Variants in CPQ observed in about 807,000 individuals in gnomAD.
CPQ encodes Ser-Met dipeptidase.
In CPQ, 37 loss-of-function variants were observed where a neutral mutation model predicts 45.7. That is an observed-to-expected ratio of 0.81 (90% CI 0.62 to 1.07). The LOEUF is 1.07. CPQ is among the 50% of genes least tolerant of loss of function. CPQ has a pLI of 0.00. For missense variants in CPQ, 537 were observed against 572.9 expected (o/e 0.94, Z 0.64); for synonymous variants, 186 against 205.8 (o/e 0.90, Z 0.82).
rs1172090255 is a variant in CPQ, at chr8:97,022,993, ATACAG to A, written c.962-6407_962-6403del. ...TATATATACTGTATATAGTATATATATACAGTATATATATACTATATATAGTATAT... is the reference window on the plus strand; with the variant it reads ...TATATATACTGTATATAGTATATATATATATATATACTATATATAGTATAT... On this transcript the variant is annotated intron_variant, in intron 5 of 7. Coordinates refer to ENST00000220763, the MANE Select transcript of CPQ (RefSeq NM_016134.4). Among the ~76,000 whole-genome samples the A allele has an allele frequency of 4.1e-5, 6 of 147,170 alleles. No homozygotes were observed. The East Asian group carries it at 9.8e-4, about 24-fold the overall frequency.
chr8:97,068,047 G>C (rs1391424152), intron 7 of CPQ, among the ~76,000 whole-genome samples: 1 of 152,168 alleles, frequency 6.6e-6, no homozygotes, highest in Non-Finnish European at 1.5e-5. Flanking sequence ...GGTTCAAGGT[G>C]AGGTAAGGAG....
chr8:96,779,255 A>G (rs1009930892), intron 1 of CPQ, among the ~76,000 whole-genome samples: 11 of 149,280 alleles, frequency 7.4e-5, no homozygotes, highest in African/African-American at 2.8e-4. Flanking sequence ...GACTGTCTTC[A>G]GATGTTATGT....
At chr8:97,007,429 G>T (rs1809402381) in intron 5 of CPQ, among the ~76,000 whole-genome samples, 1 of 152,090 alleles carries the variant, frequency 6.6e-6, no homozygotes, top group Non-Finnish European at 1.5e-5. Context: ...CTTCCCTCCT[G>T]ACTCATATTT....
At position 96,801,782 on chromosome 8, in the gene CPQ, ACCTCCTCTCTG is replaced by A. The variant is rs376175447; in HGVS notation, c.433+16467_433+16477del. Reference sequence around the variant, plus strand: ...AATAAACACCCCATTCCATCTTAACACCTCCTCTCTGCCTCCTCTCTGCCTTCTCTTTAGCA... The same window carrying A: ...AATAAACACCCCATTCCATCTTAACACCTCCTCTCTGCCTTCTCTTTAGCA... On this transcript the variant is annotated intron_variant, in intron 2 of 7. Transcript: ENST00000220763. Among the ~76,000 whole-genome samples the A allele has an allele frequency of 4.7e-4, 71 of 151,698 alleles. 1 individual carries two copies. Among genetic ancestry groups the A allele is most frequent in the African/African-American group, 1.7e-3 (71 of 41,310 alleles).
intron 6 of CPQ, chr8:97,055,749 C>CTTGA (rs1810444769): frequency 6.6e-6 from 1 of 152,176 alleles, no homozygotes; most frequent in African/African-American, 2.4e-5. Flanking sequence ...CTACCAGCAC[C>CTTGA]TTGATTTTAG....
intron 2 of CPQ, among the ~76,000 whole-genome samples, chr8:96,798,630 A>G (rs1021915267): frequency 6.6e-6 from 1 of 151,974 alleles, no homozygotes; most frequent in African/African-American, 2.4e-5. Context: ...ACCTCTGTCT[A>G]ACCTAACCCT....
chr8:96,660,605 G>T (rs1815688847), intron 1 of CPQ, among the ~76,000 whole-genome samples: 1 of 151,512 alleles, frequency 6.6e-6, no homozygotes, highest in Non-Finnish European at 1.5e-5. Context: ...TTCTGAATCA[G>T]TAGGTCTGAA....
intron 1 of CPQ, among the ~76,000 whole-genome samples, chr8:96,760,063 T>C (rs1810379421): frequency 6.6e-6 from 1 of 152,186 alleles, no homozygotes; most frequent in Admixed American, 6.5e-5. Context: ...CCTAGCCACG[T>C]GGGTCCCTCA....
intron 5 of CPQ, among the ~76,000 whole-genome samples, chr8:97,006,760 G>A (rs944694341): frequency 6.6e-6 from 1 of 152,190 alleles, no homozygotes; most frequent in Admixed American, 6.5e-5. Flanking sequence ...GGACCCAGGT[G>A]CACCAGGAAC....
At chr8:96,683,979 T>G (rs985027620) in intron 1 of CPQ, among the ~76,000 whole-genome samples, 3 of 152,200 alleles carry the variant, frequency 2.0e-5, no homozygotes, top group African/African-American at 7.2e-5. Context: ...TGTGTTTTCT[T>G]GTATCTCACT....
chr8:96,891,074 G>C (rs1221428373), intron 4 of CPQ, among the ~76,000 whole-genome samples: 1 of 152,168 alleles, frequency 6.6e-6, no homozygotes, highest in East Asian at 1.9e-4. Context: ...GCTGCTTCAG[G>C]ATGATGGGTA....
chr8:96,678,647 A>G (rs993580441), intron 1 of CPQ, among the ~76,000 whole-genome samples: 2 of 151,650 alleles, frequency 1.3e-5, no homozygotes, highest in African/African-American at 4.8e-5. Context: ...CATTTCCTTC[A>G]TGATTAGTGA....
intron 7 of CPQ, among the ~76,000 whole-genome samples, chr8:97,102,921 G>A (rs1013938464): frequency 6.6e-6 from 1 of 152,188 alleles, no homozygotes; most frequent in Non-Finnish European, 1.5e-5. Flanking sequence ...CTGGGCTAAA[G>A]TTAGGGTGTT....
intron 3 of CPQ, among the ~76,000 whole-genome samples, chr8:96,837,003 A>T (rs1811539580): frequency 6.6e-6 from 1 of 152,158 alleles, no homozygotes; most frequent in African/African-American, 2.4e-5. Flanking sequence ...TAAATACATA[A>T]TAACATTGGA....
intron 6 of CPQ, among the ~76,000 whole-genome samples, chr8:97,038,656 C>T (rs930704273): frequency 1.3e-5 from 2 of 151,812 alleles, no homozygotes; most frequent in Non-Finnish European, 1.5e-5. Flanking sequence ...GTCTTCTGCC[C>T]TTTTGTTTTC....
Position 96,837,004 on chromosome 8 carries a change from T to G in CPQ, c.641+1824T>G, listed in dbSNP as rs73277784. On this transcript the variant is annotated intron_variant, in intron 3 of 7. Transcript: ENST00000220763. ...TCTTTCAACATTTATAAATACATAATAACATTGGACTTTACATAGCACTTT... is the reference window on the plus strand; with the variant it reads ...TCTTTCAACATTTATAAATACATAAGAACATTGGACTTTACATAGCACTTT... Among the ~76,000 whole-genome samples, 1,136 of 152,266 alleles carry G rather than the reference T, an allele frequency of 7.5e-3. 22 individuals carry two copies. The highest frequency in any genetic ancestry group is 0.026 in the African/African-American group (1,098 of 41,544).
chr8:96,667,354 T>C (rs1049639493), intron 1 of CPQ, among the ~76,000 whole-genome samples: 14 of 149,976 alleles, frequency 9.3e-5, no homozygotes, highest in Non-Finnish European at 1.9e-4. Context: ...TCTTTTTCTT[T>C]TTTTTTTTTT....
At chr8:96,901,260 A>G (rs1020241894) in intron 4 of CPQ, among the ~76,000 whole-genome samples, 1 of 152,164 alleles carries the variant, frequency 6.6e-6, no homozygotes, top group African/African-American at 2.4e-5. Context: ...AGAGCTGCTC[A>G]TGGGGTCAGC....
At chr8:97,090,849 C>T (rs1811113965) in intron 7 of CPQ, among the ~76,000 whole-genome samples, 1 of 152,136 alleles carries the variant, frequency 6.6e-6, no homozygotes, top group Non-Finnish European at 1.5e-5. Context: ...CTAGAGAAAC[C>T]TCTCATTGTT....
Sources: gnomAD v4.1 joint callset for allele counts (sites outside exome capture counted in the v4.1 genomes callset) on GRCh38, gnomAD v4.1.1 for gene constraint, MANE v1.5 for transcripts, NCBI Gene and HGNC (gene_info 2026-07-23, HGNC 2026-07-21) for gene names.